The following HEMK1 variants were observed in gnomAD, a reference collection of about 807,000 sequenced individuals.
HEMK1 encodes HemK methyltransferase 1, mitochondrial release factors N(5)-glutamine.
HEMK1 carries 36 observed loss-of-function variants against 47.9 expected under a neutral mutation model. The ratio of observed to expected loss-of-function variants is 0.75; its 90% CI spans 0.58 to 0.99. The LOEUF (loss-of-function observed/expected upper bound fraction) is 0.99, where lower values mean the gene tolerates loss of function less well. Ranked by LOEUF, HEMK1 falls within the 50% of genes least tolerant of loss-of-function variation. The pLI is 0.00. For missense variants in HEMK1, 383 were observed against 434.5 expected (o/e 0.88, Z 1.05); for synonymous variants, 153 against 165.4 (o/e 0.93, Z 0.57).
rs2030869972 is a variant in HEMK1 at position 50,581,976 on chromosome 3, T to A, written c.*1559T>A. On this transcript the variant is annotated 3_prime_UTR_variant, in exon 11 of 11. Coordinates refer to ENST00000232854, the MANE Select transcript of HEMK1 (RefSeq NM_016173.5). The stretch of plus-strand genomic sequence containing the variant: ...CACAACCAGGGCAAGGCTCCCCACT[T>A]CCTTAGTCCCCCATGCTCACAGACC... 1 of 152,316 alleles carries A rather than the reference T, an allele frequency of 6.6e-6. No homozygotes were observed. Among genetic ancestry groups the A allele is most frequent in the Non-Finnish European group, 1.5e-5 (1 of 68,122 alleles). The allele number at this position is 152,316 out of a possible 1,614,324, so 9.4% of individuals were successfully genotyped here.
Position 50,584,759 on chromosome 3 carries a change from A to C in HEMK1, c.*4342A>C, listed in dbSNP as rs2031200756. ...TTTGTGTTGTTTTCACATGTGTGAA[A>C]ACACATGTGTGATAATTTGTTACAG... On this transcript the variant is annotated 3_prime_UTR_variant, in exon 11 of 11. Coordinates refer to ENST00000232854, the MANE Select transcript of HEMK1 (RefSeq NM_016173.5). The C allele has an allele frequency of 1.3e-5, 2 of 150,218 alleles. No individual in the cohort carries two copies. Among genetic ancestry groups the C allele is most frequent in the African/African-American group, 4.9e-5 (2 of 41,200 alleles). 9.3% of individuals were successfully genotyped at this position (150,218 alleles called of 1,614,324 possible). A position where few individuals can be genotyped will look rare whatever the true frequency, so the allele number is the denominator to read the frequency against.
In HEMK1 at chr3:50,582,012, A is replaced by G. The variant is rs2030875115; in HGVS notation, c.*1595A>G. 1 of 152,290 alleles carries G rather than the reference A, an allele frequency of 6.6e-6. No homozygotes were observed. The highest frequency in any genetic ancestry group is 1.5e-5 in the Non-Finnish European group (1 of 68,114). 9.4% of individuals were successfully genotyped at this position (152,290 alleles called of 1,614,324 possible). A position where few individuals can be genotyped will look rare whatever the true frequency, so the allele number is the denominator to read the frequency against. On this transcript the variant is annotated 3_prime_UTR_variant, in exon 11 of 11. Transcript: ENST00000232854. ...CCATGCTCACAGACCTTTGCCTGCT[A>G]AGGTCCTCACCAGTATTGCCCTTTC...
At chr3:50,570,429 A>G (rs1281551244) in intron 1 of HEMK1, 2 of 152,230 alleles carry the variant, frequency 1.3e-5, no homozygotes, top group African/African-American at 4.8e-5. Flanking sequence ...TACACACACA[A>G]TGTCAGATTC....
At chr3:50,578,142 G>A (rs978021408) in intron 7 of HEMK1, among the ~76,000 whole-genome samples, 2 of 152,206 alleles carry the variant, frequency 1.3e-5, no homozygotes, top group African/African-American at 4.8e-5. Flanking sequence ...CACAACCAAT[G>A]AGTTAAGGGC....
chr3:50,579,885 T>C lies in HEMK1; in HGVS notation c.812T>C (p.Met271Thr), dbSNP rs1380195625. The change falls in exon 9 of 11, where the codon ATG becomes ACG. Residue 271 changes from methionine (M) to threonine (T), a missense_variant. Transcript: ENST00000232854. ...GCCCTGGATGGTGGGGAGGAGGGCATGGACATCATTACCCACATTCTGGCC... is the reference window on the plus strand; with the variant it reads ...GCCCTGGATGGTGGGGAGGAGGGCACGGACATCATTACCCACATTCTGGCC... ...PAALDGGEEG[M>T]DIITHILALA... 6 of 1,613,884 alleles carry C rather than the reference T, an allele frequency of 3.7e-6. No homozygotes were observed. In the South Asian group the frequency reaches 5.5e-5, roughly 15 times the overall value.
At chr3:50,575,315 G>A (rs1261041314) in intron 4 of HEMK1, among the ~76,000 whole-genome samples, 1 of 152,138 alleles carries the variant, frequency 6.6e-6, no homozygotes, top group Non-Finnish European at 1.5e-5. Flanking sequence ...CCAGCTACTT[G>A]GGAAGGCTGA....
At chr3:50,575,613 C>A (rs921691895) in intron 4 of HEMK1, among the ~76,000 whole-genome samples, 2 of 152,124 alleles carry the variant, frequency 1.3e-5, no homozygotes, top group African/African-American at 4.8e-5. Flanking sequence ...CGTGGTAGAG[C>A]CTGGCCCAGG....
chr3:50,579,208 A>G (rs896531155), intron 8 of HEMK1, among the ~76,000 whole-genome samples: 5 of 152,078 alleles, frequency 3.3e-5, no homozygotes, highest in African/African-American at 1.2e-4. Context: ...CCACGGGAGG[A>G]CTCAGTGACG....
rs754186340 is a variant in HEMK1 at position 50,578,932 on chromosome 3, A to G, written c.770+6A>G. 2.6e-5 allele frequency: 41 copies of G among 1,606,290 alleles called. No individual in the cohort carries two copies. Among genetic ancestry groups the G allele is most frequent in the Non-Finnish European group, 3.3e-5 (39 of 1,175,606 alleles). ...CTGGCCCCTGAGATCCGCAGGTGCT[A>G]AGCAGGGTGGGCCAGGGAGGCCAGG... On this transcript the variant is annotated splice_donor_region_variant and intron_variant, in intron 8 of 10. Transcript: ENST00000232854.
rs1242400230 is a variant in HEMK1, at chr3:50,577,520, T to C, written c.561T>C (p.Ile187=). The C allele has an allele frequency of 6.2e-7, 1 of 1,614,134 alleles. No homozygotes were observed. Among genetic ancestry groups the C allele is most frequent in the Admixed American group, 1.7e-5 (1 of 60,028 alleles). Residue 187 remains isoleucine, a synonymous_variant, in exon 6 of 11, where the codon ATT becomes ATC. Coordinates refer to ENST00000232854, the MANE Select transcript of HEMK1 (RefSeq NM_016173.5). ...LLSQLPQSRV[I]AVDKREAAIS... ...TGTTCTTGGGACAGAGCCGAGTCAT[T>C]GCTGTGGATAAGCGGGAAGCTGCTA...
At chr3:50,577,801 T>A (rs1057089381) in intron 6 of HEMK1, 25 bp from the exon 7 acceptor site, 2 of 1,612,598 alleles carry the variant, frequency 1.2e-6, no homozygotes, top group Admixed American at 3.3e-5. Context: ...CCCCCGTGCC[T>A]ACCCCTTTCT....
At position 50,577,118 on chromosome 3, in the gene HEMK1, C is replaced by T. The variant is rs766225909; in HGVS notation, c.481C>T (p.Pro161Ser). Residue 161 changes from proline to serine, a missense_variant, in exon 5 of 11, where the codon CCC (proline) becomes TCC (serine). Physicochemically the swap from Pro to Ser is moderately conservative, Grantham distance 74. Transcript: ENST00000232854. ...RSHAVGSPGS[P>S]LILEVGCGSG... ...CCATGCTGTGGGATCCCCAGGCAGC[C>T]CCCTCATTCTGGAGGTGGGCTGCGG... is the stretch of plus-strand genomic sequence containing the variant. 2.5e-6 allele frequency: 4 copies of T among 1,613,816 alleles called. No individual in the cohort carries two copies. The highest frequency in any genetic ancestry group is 2.5e-6 in the Non-Finnish European group (3 of 1,179,950).
intron 2 of HEMK1, 121 bp from the exon 3 acceptor site, chr3:50,571,589 C>A: frequency 2.1e-6 from 2 of 943,052 alleles, no homozygotes; most frequent in Non-Finnish European, 1.7e-6. Flanking sequence ...CCCCTCTGGG[C>A]CCAGATGATG....
In HEMK1 at chr3:50,596,013, G is replaced by A. The variant is rs1002569867; in HGVS notation, c.*15596G>A. On this transcript the variant is annotated 3_prime_UTR_variant, in exon 11 of 11. Coordinates refer to ENST00000232854, the MANE Select transcript of HEMK1 (RefSeq NM_016173.5). Reference sequence around the variant, plus strand: ...TTATGGTGGAAGGTGTGAGGTAGACGTTGCACTTTTTTTTCCTTCCAAATT... The same window carrying A: ...TTATGGTGGAAGGTGTGAGGTAGACATTGCACTTTTTTTTCCTTCCAAATT... The A allele has an allele frequency of 6.6e-6, 1 of 152,174 alleles. No homozygotes were observed. Among genetic ancestry groups the A allele is most frequent in the African/African-American group, 2.4e-5 (1 of 41,444 alleles). The allele number at this position is 152,174 out of a possible 1,614,324, so 9.4% of individuals were successfully genotyped here. A position where few individuals can be genotyped will look rare whatever the true frequency, so the allele number is the denominator to read the frequency against.
intron 3 of HEMK1, 149 bp downstream of exon 3, chr3:50,571,950 T>A: frequency 7.6e-7 from 1 of 1,311,946 alleles, no homozygotes; most frequent in South Asian, 1.3e-5. Flanking sequence ...GCCGGGGTAC[T>A]GAATAGGAAG....
At position 50,586,796 on chromosome 3, in the gene HEMK1, C is replaced by G. The variant is rs1045447785; in HGVS notation, c.*6379C>G. The G allele has an allele frequency of 6.6e-6, 1 of 152,242 alleles. No homozygotes were observed. Among genetic ancestry groups the G allele is most frequent in the African/African-American group, 2.4e-5 (1 of 41,400 alleles). 9.4% of individuals were successfully genotyped at this position (152,242 alleles called of 1,614,324 possible). ...CTTCCTTTGCCACCTGAAGACCCCC[C>G]ACCCCACCTGGCTTTCCAGGAACAG... On this transcript the variant is annotated 3_prime_UTR_variant, in exon 11 of 11. Transcript: ENST00000232854.
At position 50,584,312 on chromosome 3, in the gene HEMK1, C is replaced by G. The variant is rs1487546218; in HGVS notation, c.*3895C>G. 1.3e-5 allele frequency: 2 copies of G among 152,382 alleles called. No homozygotes were observed. The highest frequency in any genetic ancestry group is 6.5e-5 in the Admixed American group (1 of 15,284). 9.4% of individuals were successfully genotyped at this position (152,382 alleles called of 1,614,324 possible). Reference sequence around the variant, plus strand: ...CCCCCTGAACTGGATTTGGGACTGTCAAAGCAACTCTACCCCTGCTCTGGT... The same window carrying G: ...CCCCCTGAACTGGATTTGGGACTGTGAAAGCAACTCTACCCCTGCTCTGGT... On this transcript the variant is annotated 3_prime_UTR_variant, in exon 11 of 11. Coordinates refer to ENST00000232854, the MANE Select transcript of HEMK1 (RefSeq NM_016173.5).
Position 50,578,811 on chromosome 3 carries a change from T to G in HEMK1, c.665-10T>G. 1 of 1,599,464 alleles carries G rather than the reference T, an allele frequency of 6.3e-7. No homozygotes were observed. Among genetic ancestry groups the G allele is most frequent in the Non-Finnish European group, 8.6e-7 (1 of 1,168,380 alleles). Reference sequence around the variant, plus strand: ...TAGTCCCTACTGTGTGTCCTCTTCTTTGACGACAGAAAGGAGCTGGACACA... The same window carrying G: ...TAGTCCCTACTGTGTGTCCTCTTCTGTGACGACAGAAAGGAGCTGGACACA... On this transcript the variant is annotated splice_polypyrimidine_tract_variant and intron_variant, in intron 7 of 10. Coordinates refer to ENST00000232854, the MANE Select transcript of HEMK1 (RefSeq NM_016173.5).
At chr3:50,576,599 G>A (rs368563140) in intron 4 of HEMK1, among the ~76,000 whole-genome samples, 9 of 152,106 alleles carry the variant, frequency 5.9e-5, no homozygotes, top group East Asian at 5.8e-4. Flanking sequence ...TAGCAGAGAC[G>A]GGGTTTCACC....
Sources: allele counts gnomAD v4.1 joint callset (sites outside exome capture counted in the v4.1 genomes callset), GRCh38; gene constraint gnomAD v4.1.1; transcripts MANE v1.5; gene names NCBI Gene and HGNC (gene_info 2026-07-23, HGNC 2026-07-21).